The following RBFOX1 variants were observed in gnomAD, a reference collection of about 807,000 sequenced individuals.
RBFOX1 encodes RNA binding fox-1 homolog 1.
Under a neutral mutation model 57.7 loss-of-function variants are expected in RBFOX1, and 8 were observed. The observed-to-expected ratio is 0.14, with a 90% CI of 0.08 to 0.25. RBFOX1 has a LOEUF of 0.25. Among genes scored for constraint, RBFOX1 ranks in the 10% least tolerant of loss-of-function variants. RBFOX1 has a pLI of 1.00. For missense variants in RBFOX1, 611 were observed against 548.5 expected, an observed-to-expected ratio of 1.11 and a Z score of -1.14; for synonymous variants, 326 against 222.4, an observed-to-expected ratio of 1.47 and a Z score of -4.15.
At chr16:6,388,541 G>T (rs1000497482) in intron 2 of RBFOX1, among the ~76,000 whole-genome samples, 3 of 150,238 alleles carry the variant, frequency 2.0e-5, no homozygotes, top group African/African-American at 7.3e-5. Flanking sequence ...TTTGTCGTGT[G>T]ATATATATAT....
intron 1 of RBFOX1, among the ~76,000 whole-genome samples, chr16:5,339,500 T>TTTTTTTTA: frequency 8.0e-6 from 1 of 124,908 alleles, no homozygotes; most frequent in Non-Finnish European, 1.6e-5. Flanking sequence ...TTTTTTTTTT[T>TTTTTTTTA]GAGATGGAGT....
At chr16:6,725,966 G>T (rs1221809609) in intron 3 of RBFOX1, among the ~76,000 whole-genome samples, 1 of 152,104 alleles carries the variant, frequency 6.6e-6, no homozygotes, top group Non-Finnish European at 1.5e-5. Flanking sequence ...TATTTTTTAT[G>T]TTAAATAATA....
At chr16:5,568,237 G>C (rs1596306901) in intron 2 of RBFOX1, among the ~76,000 whole-genome samples, 6 of 152,148 alleles carry the variant, frequency 3.9e-5, no homozygotes, top group African/African-American at 1.2e-4. Flanking sequence ...GGGGGCCTGT[G>C]CTGCATTCTC....
chr16:7,030,990 G>C (rs1210515372), intron 3 of RBFOX1, among the ~76,000 whole-genome samples: 2 of 152,204 alleles, frequency 1.3e-5, no homozygotes, highest in Non-Finnish European at 2.9e-5. Flanking sequence ...GGAGCAGAAT[G>C]ATCCTGCAGA....
intron 3 of RBFOX1, among the ~76,000 whole-genome samples, chr16:6,746,054 C>G (rs1354432727): frequency 6.6e-6 from 1 of 152,080 alleles, no homozygotes; most frequent in African/African-American, 2.4e-5. Context: ...CTTAGAGGAA[C>G]AAATCTGATG....
chr16:7,156,946 T>C (rs2077274139), intron 4 of RBFOX1, among the ~76,000 whole-genome samples: 1 of 152,172 alleles, frequency 6.6e-6, no homozygotes, highest in South Asian at 2.1e-4. Context: ...CTGTTCTCTT[T>C]ACAGCAAAAA....
chr16:7,225,759 T>TGGGGGGA (rs1310815780), intron 4 of RBFOX1, among the ~76,000 whole-genome samples: 3 of 71,796 alleles, frequency 4.2e-5, no homozygotes, highest in Non-Finnish European at 7.1e-5. Context: ...CATTTGGGGG[T>TGGGGGGA]GGGGGGAGGG....
chr16:5,774,724 C>T (rs991424132), intron 3 of RBFOX1, among the ~76,000 whole-genome samples: 4 of 152,156 alleles, frequency 2.6e-5, no homozygotes, highest in Non-Finnish European at 4.4e-5. Flanking sequence ...ACTCTCTCGC[C>T]CAGACTAGAG....
At chr16:5,619,089 G>C (rs2048129666) in intron 3 of RBFOX1, among the ~76,000 whole-genome samples, 1 of 152,224 alleles carries the variant, frequency 6.6e-6, no homozygotes, top group African/African-American at 2.4e-5. Flanking sequence ...GTTTGTGCCT[G>C]ATTTGCAGTG....
chr16:5,802,339 G>C (rs548004563), intron 3 of RBFOX1, among the ~76,000 whole-genome samples: 123 of 152,228 alleles, frequency 8.1e-4, no homozygotes, highest in African/African-American at 2.8e-3. Context: ...TTTGCCTCCT[G>C]TGACCTGGAA....
At chr16:6,635,407 G>C (rs2098423479) in intron 2 of RBFOX1, among the ~76,000 whole-genome samples, 2 of 152,062 alleles carry the variant, frequency 1.3e-5, no homozygotes, top group South Asian at 4.1e-4. Flanking sequence ...TATCCATGCA[G>C]GACCAAAGAC....
Position 6,466,297 on chromosome 16 carries a change from G to A in RBFOX1, c.-64+149240G>A, listed in dbSNP as rs369176902. Reference sequence around the variant, plus strand: ...ATCCATGGTTATAATATTCTTGACTGCATCTTAACATCATTGGTTTGTTTT... The same window carrying A: ...ATCCATGGTTATAATATTCTTGACTACATCTTAACATCATTGGTTTGTTTT... On this transcript the variant is annotated intron_variant, in intron 2 of 15. Coordinates refer to ENST00000550418, the MANE Select transcript of RBFOX1 (RefSeq NM_018723.4). 7.9e-5 allele frequency among the ~76,000 whole-genome samples: 12 copies of A among 150,984 alleles called. No homozygotes were observed. The East Asian group carries it at 2.3e-3, about 29-fold the overall frequency.
chr16:6,522,235 G>C (rs2096515567), intron 2 of RBFOX1, among the ~76,000 whole-genome samples: 1 of 150,056 alleles, frequency 6.7e-6, no homozygotes, highest in Admixed American at 6.7e-5. Flanking sequence ...CTCCCAAGTA[G>C]ATAAACCTCT....
intron 10 of RBFOX1, among the ~76,000 whole-genome samples, chr16:7,619,060 G>A (rs973907843): frequency 3.9e-5 from 6 of 152,140 alleles, no homozygotes; most frequent in African/African-American, 1.4e-4. Context: ...ATTATTCAAA[G>A]AATAATGCCA....
At chr16:6,969,093 C>T (rs2084939873) in intron 3 of RBFOX1, among the ~76,000 whole-genome samples, 1 of 152,118 alleles carries the variant, frequency 6.6e-6, no homozygotes, top group Non-Finnish European at 1.5e-5. Context: ...GAGAGACCTT[C>T]TCCTAATGCA....
At chr16:5,851,976 A>G (rs1018055315) in intron 3 of RBFOX1, among the ~76,000 whole-genome samples, 1 of 152,166 alleles carries the variant, frequency 6.6e-6, no homozygotes, top group East Asian at 1.9e-4. Context: ...TACGAGCCAT[A>G]TGAGTTAGGG....
intron 2 of RBFOX1, among the ~76,000 whole-genome samples, chr16:6,643,679 A>G (rs931657684): frequency 2.0e-4 from 31 of 152,190 alleles, no homozygotes; most frequent in Admixed American, 1.2e-3. Flanking sequence ...GATGGATTTC[A>G]ATCTCCCTTA....
intron 3 of RBFOX1, among the ~76,000 whole-genome samples, chr16:5,794,953 C>G (rs1324518919): frequency 6.6e-6 from 1 of 152,200 alleles, no homozygotes; most frequent in African/African-American, 2.4e-5. Context: ...CACACACCCA[C>G]TCTCATCTCA....
intron 1 of RBFOX1, among the ~76,000 whole-genome samples, chr16:6,177,864 A>C (rs2097025523): frequency 6.6e-6 from 1 of 151,678 alleles, no homozygotes; most frequent in Non-Finnish European, 1.5e-5. Context: ...TTGAGACCAC[A>C]GCTACATCCA....
Sources: allele counts gnomAD v4.1 joint callset (sites outside exome capture counted in the v4.1 genomes callset), GRCh38; gene constraint gnomAD v4.1.1; transcripts MANE v1.5; gene names NCBI Gene and HGNC (gene_info 2026-07-23, HGNC 2026-07-21).